The following SPHKAP variants were observed in gnomAD, a reference collection of about 807,000 sequenced individuals.
SPHKAP encodes the protein A-kinase anchor protein SPHKAP.
In SPHKAP, 67 loss-of-function variants were observed where a neutral mutation model predicts 137.5. The ratio of observed to expected loss-of-function variants is 0.49; its 90% CI spans 0.40 to 0.60. The LOEUF (loss-of-function observed/expected upper bound fraction) is 0.60. Among genes scored for constraint, SPHKAP ranks in the 20% least tolerant of loss-of-function variants. SPHKAP has a pLI of 0.00. For synonymous variants in SPHKAP, 813 were observed against 785.3 expected (o/e 1.04, Z -0.59); for missense variants, 2,097 against 2,069.3 (o/e 1.01, Z -0.26).
chr2:227,999,946 C>T (rs11680053), intron 7 of SPHKAP, among the ~76,000 whole-genome samples: 79,941 of 151,998 alleles, frequency 0.53, 21,359 homozygotes, highest in South Asian at 0.67. Context: ...ACCATCTAGC[C>T]TGTAATTTCC....
intron 1 of SPHKAP, among the ~76,000 whole-genome samples, chr2:228,154,007 G>A (rs1700018235): frequency 1.3e-5 from 2 of 152,116 alleles, no homozygotes; most frequent in Non-Finnish European, 1.5e-5. Context: ...ATGGCAAATA[G>A]GATGTCAATC....
rs188852151 is a variant in SPHKAP, at chr2:228,091,459, T to C, written c.246+17373A>G. ...AAGTACTTCTGCACAGCAAAAGGAA[T>C]AGTCAGCAGAATAAACAGACAACCC... On this transcript the variant is annotated intron_variant, in intron 3 of 11. Transcript: ENST00000392056. Among the ~76,000 whole-genome samples the C allele has an allele frequency of 2.0e-5, 3 of 152,192 alleles. No individual in the cohort carries two copies. The East Asian group carries it at 5.8e-4, about 29-fold the overall frequency.
At chr2:228,064,700 A>C (rs1052550307) in intron 3 of SPHKAP, among the ~76,000 whole-genome samples, 4 of 152,188 alleles carry the variant, frequency 2.6e-5, no homozygotes, top group African/African-American at 7.2e-5. Flanking sequence ...AGGAGAGGCT[A>C]ATGCAGGACT....
At chr2:227,990,780 A>T in intron 11 of SPHKAP, 1 of 482,250 alleles carries the variant, frequency 2.1e-6, no homozygotes, top group Non-Finnish European at 3.6e-6. Context: ...TACTTTTCTC[A>T]CTACCACCTA....
rs1036245060 is a variant in SPHKAP at position 228,027,999 on chromosome 2, T to C, written c.247-456A>G. 7.1e-6 allele frequency: 7 copies of C among 982,448 alleles called. No homozygotes were observed. In the African/African-American group the frequency reaches 1.2e-4, roughly 17 times the overall value. 60.9% of individuals were successfully genotyped at this position (982,448 alleles called of 1,614,324 possible). A position where few individuals can be genotyped will look rare whatever the true frequency, so the allele number is the denominator to read the frequency against. On this transcript the variant is annotated intron_variant, in intron 3 of 11. Transcript: ENST00000392056. ...AAAGAAAAAAGAAAAAAAGAAATAG[T>C]AATTTCACTTTTGAGCCTCCAAATA...
intron 3 of SPHKAP, among the ~76,000 whole-genome samples, chr2:228,071,616 C>T (rs1697007890): frequency 6.6e-6 from 1 of 152,032 alleles, no homozygotes; most frequent in Non-Finnish European, 1.5e-5. Flanking sequence ...AGATATTTCA[C>T]AAAAAGTGCA....
intron 11 of SPHKAP, among the ~76,000 whole-genome samples, chr2:227,986,424 G>C (rs757313258): frequency 9.9e-5 from 15 of 152,156 alleles, no homozygotes; most frequent in Non-Finnish European, 2.1e-4. Context: ...TGGGGCAAAG[G>C]GTTGGAGGCA....
chr2:228,055,678 A>G (rs1329455020), intron 3 of SPHKAP, among the ~76,000 whole-genome samples: 1 of 152,204 alleles, frequency 6.6e-6, no homozygotes, highest in Non-Finnish European at 1.5e-5. Flanking sequence ...AGAGAGTGCT[A>G]TTGCATACTG....
At chr2:228,136,942 G>T (rs1699452673) in intron 1 of SPHKAP, among the ~76,000 whole-genome samples, 1 of 151,810 alleles carries the variant, frequency 6.6e-6, no homozygotes, top group East Asian at 1.9e-4. Context: ...CTGTCCTTTG[G>T]GTCTCAGCTT....
intron 1 of SPHKAP, among the ~76,000 whole-genome samples, chr2:228,172,059 T>C (rs941513634): frequency 4.6e-5 from 7 of 152,156 alleles, no homozygotes; most frequent in Non-Finnish European, 1.0e-4. Flanking sequence ...TAAAGTTGTG[T>C]GTGTGTATAT....
chr2:228,041,777 G>T (rs1695859974), intron 3 of SPHKAP, among the ~76,000 whole-genome samples: 1 of 152,016 alleles, frequency 6.6e-6, no homozygotes, highest in Non-Finnish European at 1.5e-5. Context: ...TTTGCTGAAT[G>T]AATCTAGGTG....
intron 3 of SPHKAP, among the ~76,000 whole-genome samples, chr2:228,069,172 T>C (rs973419373): frequency 2.6e-5 from 4 of 151,960 alleles, no homozygotes; most frequent in Admixed American, 2.0e-4. Flanking sequence ...GAGGCTGACA[T>C]GGGAGAATCG....
At chr2:228,154,749 C>T (rs1394234094) in intron 1 of SPHKAP, among the ~76,000 whole-genome samples, 4 of 138,356 alleles carry the variant, frequency 2.9e-5, no homozygotes, top group East Asian at 4.2e-4. Flanking sequence ...TCATTAGAGA[C>T]GGGGTTTCAC....
intron 3 of SPHKAP, among the ~76,000 whole-genome samples, chr2:228,060,292 A>T (rs538325784): frequency 1.4e-4 from 22 of 152,306 alleles, no homozygotes; most frequent in East Asian, 3.9e-4. Flanking sequence ...AAACAGCAAC[A>T]TTTCTTTTCA....
intron 2 of SPHKAP, among the ~76,000 whole-genome samples, chr2:228,128,518 G>T (rs901237677): frequency 6.6e-6 from 1 of 151,940 alleles, no homozygotes; most frequent in African/African-American, 2.4e-5. Context: ...TTAATATTTT[G>T]ACCTTCTTCC....
intron 3 of SPHKAP, among the ~76,000 whole-genome samples, chr2:228,080,518 C>G (rs944443806): frequency 7.2e-5 from 11 of 152,010 alleles, no homozygotes; most frequent in Non-Finnish European, 1.2e-4. Context: ...ACCAGCCTGG[C>G]CAACATGGCA....
chr2:228,139,466 A>G (rs1335355338), intron 1 of SPHKAP, among the ~76,000 whole-genome samples: 1 of 152,224 alleles, frequency 6.6e-6, no homozygotes, highest in Non-Finnish European at 1.5e-5. Flanking sequence ...ACAATATAAA[A>G]TAACACTTAT....
Position 228,017,526 on chromosome 2 carries a change from C to CCGGCTGGCT in SPHKAP, c.3319_3327dup (p.Ser1107_Pro1109dup). The CCGGCTGGCT allele has an allele frequency of 1.2e-6, 2 of 1,613,046 alleles. No homozygotes were observed. The highest frequency in any genetic ancestry group is 1.7e-6 in the Non-Finnish European group (2 of 1,179,638). The stretch of plus-strand genomic sequence containing the variant: ...TTGGAGACAGAGCTGGCCCTGCTGA[C>CCGGCTGGCT]CGGCTGGCTCAGCGTGCTCATTAAG... On this transcript the variant is annotated inframe_insertion, in exon 7 of 12. Coordinates refer to ENST00000392056, the MANE Select transcript of SPHKAP (RefSeq NM_001142644.2).
intron 1 of SPHKAP, among the ~76,000 whole-genome samples, chr2:228,151,408 C>A (rs899153056): frequency 1.3e-5 from 2 of 152,066 alleles, no homozygotes; most frequent in East Asian, 3.9e-4. Flanking sequence ...GTGCATGTGT[C>A]TTTATAGCAG....
Sources: gnomAD v4.1 joint callset for allele counts (sites outside exome capture counted in the v4.1 genomes callset) on GRCh38, gnomAD v4.1.1 for gene constraint, MANE v1.5 for transcripts, NCBI Gene and HGNC (gene_info 2026-07-23, HGNC 2026-07-21) for gene names.